EML4: variants seen among roughly 807,000 people sequenced by gnomAD.
The protein encoded by EML4 is echinoderm microtubule-associated protein-like 4.
Under a neutral mutation model 129.0 loss-of-function variants are expected in EML4, and 72 were observed. That is an observed-to-expected ratio of 0.56 (90% confidence interval 0.46 to 0.68). The LOEUF is 0.68. Ranked by LOEUF, EML4 falls within the 30% of genes least tolerant of loss-of-function variation. The pLI is 0.00. For synonymous variants in EML4, 532 were observed against 405.0 expected, an observed-to-expected ratio of 1.31 and a Z score of -3.77; for missense variants, 1,363 against 1,190.6, an observed-to-expected ratio of 1.14 and a Z score of -2.13.
At chr2:42,302,780 C>A (rs563087957) in intron 14 of EML4, among the ~76,000 whole-genome samples, 1 of 152,118 alleles carries the variant, frequency 6.6e-6, no homozygotes, top group African/African-American at 2.4e-5. Context: ...GTGATCCACC[C>A]GCATTGGCCT....
intron 14 of EML4, among the ~76,000 whole-genome samples, chr2:42,302,078 G>A (rs1668315355): frequency 6.6e-6 from 1 of 152,006 alleles, no homozygotes; most frequent in Admixed American, 6.6e-5. Context: ...ATTATTAAAT[G>A]TATTAACACA....
intron 1 of EML4, among the ~76,000 whole-genome samples, chr2:42,233,741 CTTAATATT>C (rs1674494364): frequency 6.6e-6 from 1 of 152,050 alleles, no homozygotes; most frequent in African/African-American, 2.4e-5. Flanking sequence ...ATCTTAATAT[CTTAATATT>C]TTGGTTTTAA....
At chr2:42,180,296 A>T (rs887653241) in intron 1 of EML4, among the ~76,000 whole-genome samples, 2 of 152,124 alleles carry the variant, frequency 1.3e-5, no homozygotes, top group Non-Finnish European at 2.9e-5. Flanking sequence ...ATGTCTCTGG[A>T]CCAGAGGTAG....
chr2:42,207,799 T>G (rs903134697), intron 1 of EML4: 1 of 152,236 alleles, frequency 6.6e-6, no homozygotes, highest in African/African-American at 2.4e-5. Context: ...ATTTATAATA[T>G]TAAATGCGAA....
At chr2:42,229,646 G>T (rs1325550451) in intron 1 of EML4, among the ~76,000 whole-genome samples, 1 of 152,082 alleles carries the variant, frequency 6.6e-6, no homozygotes, top group Non-Finnish European at 1.5e-5. Flanking sequence ...ATCAGGGAGG[G>T]AAGTAAAGTA....
chr2:42,193,750 A>G (rs2719137), intron 1 of EML4, among the ~76,000 whole-genome samples: 47,299 of 151,702 alleles, frequency 0.31, 7,652 homozygotes, highest in East Asian at 0.56. Flanking sequence ...CAGCAGCACA[A>G]TCATGGCTCA....
intron 1 of EML4, among the ~76,000 whole-genome samples, chr2:42,175,921 A>G (rs781074833): frequency 6.6e-6 from 1 of 152,016 alleles, no homozygotes; most frequent in Non-Finnish European, 1.5e-5. Context: ...GTCTTTTCCT[A>G]TGCTTAGTTT....
At chr2:42,187,064 G>A (rs1348953808) in intron 1 of EML4, among the ~76,000 whole-genome samples, 3 of 80,736 alleles carry the variant, frequency 3.7e-5, no homozygotes, top group Middle Eastern at 7.0e-3. Context: ...GGGTGGGGGG[G>A]ACAGGGTCTT....
intron 10 of EML4, among the ~76,000 whole-genome samples, chr2:42,287,284 G>A (rs1429320789): frequency 1.3e-5 from 2 of 152,142 alleles, no homozygotes; most frequent in African/African-American, 4.8e-5. Context: ...GGAATTGGGA[G>A]AAGGACATTT....
At chr2:42,197,046 A>G (rs549821076) in intron 1 of EML4, among the ~76,000 whole-genome samples, 60 of 152,232 alleles carry the variant, frequency 3.9e-4, no homozygotes, top group African/African-American at 1.4e-3. Context: ...ATCAAAGTAA[A>G]TGTTGGTTTA....
rs563457625 is a variant in EML4, at chr2:42,261,367, G to C, written c.512+73G>C. The C allele has an allele frequency of 1.0e-5, 14 of 1,340,798 alleles. No individual in the cohort carries two copies. The South Asian group carries it at 2.5e-4, about 24-fold the overall frequency. The allele number at this position is 1,340,798 out of a possible 1,614,324, so 83.1% of individuals were successfully genotyped here. A position where few individuals can be genotyped will look rare whatever the true frequency, so the allele number is the denominator to read the frequency against. On this transcript the variant is annotated intron_variant, in intron 4 of 22. Transcript: ENST00000318522. The stretch of plus-strand genomic sequence containing the variant: ...CCTAAATTCTGTGACTTGGGAAAAA[G>C]TTAGCTATCCAAGGATTCTGAGAGA...
chr2:42,193,641 C>G (rs1276065266), intron 1 of EML4, among the ~76,000 whole-genome samples: 1 of 151,478 alleles, frequency 6.6e-6, no homozygotes, highest in Non-Finnish European at 1.5e-5. Flanking sequence ...TTTAAGTTTT[C>G]ACTTTTGTCA....
At chr2:42,220,829 A>G (rs1461296815) in intron 1 of EML4, among the ~76,000 whole-genome samples, 2 of 152,186 alleles carry the variant, frequency 1.3e-5, no homozygotes, top group African/African-American at 4.8e-5. Flanking sequence ...AAACAGCCTT[A>G]TTGCAGATAC....
chr2:42,330,893 A>G lies in EML4; in HGVS notation c.*686A>G, dbSNP rs1470607408. 1 of 204,336 alleles carries G rather than the reference A, an allele frequency of 4.9e-6. No homozygotes were observed. The highest frequency in any genetic ancestry group is 2.3e-5 in the African/African-American group (1 of 43,626). 12.7% of individuals were successfully genotyped at this position (204,336 alleles called of 1,614,324 possible). ...CTTGTGTGCAACTCTGTTTTATCCT[A>G]GAACTAAGAGAGCATTGGTTTGTTA... is the stretch of plus-strand genomic sequence containing the variant. On this transcript the variant is annotated 3_prime_UTR_variant, in exon 23 of 23. Coordinates refer to ENST00000318522, the MANE Select transcript of EML4 (RefSeq NM_019063.5).
At chr2:42,327,467 G>A (rs79951727) in intron 21 of EML4, among the ~76,000 whole-genome samples, 3 of 152,210 alleles carry the variant, frequency 2.0e-5, no homozygotes, top group Non-Finnish European at 1.5e-5. Context: ...AGCAGTGTAC[G>A]AGGGTTCTGG....
chr2:42,289,543 AT>A (rs1227508152), intron 11 of EML4: 3 of 152,252 alleles, frequency 2.0e-5, no homozygotes, highest in East Asian at 1.9e-4. Flanking sequence ...GAAAATCACC[AT>A]GTTCAAATCT....
At chr2:42,237,024 A>G (rs1410481688) in intron 1 of EML4, among the ~76,000 whole-genome samples, 1 of 151,940 alleles carries the variant, frequency 6.6e-6, no homozygotes, top group Non-Finnish European at 1.5e-5. Flanking sequence ...TGTAGTCTCA[A>G]CCTCCCTGGT....
At position 42,330,377 on chromosome 2, in the gene EML4, T is replaced by TA; in HGVS notation, c.*173dup. 1.4e-6 allele frequency: 1 copy of TA among 708,570 alleles called. No homozygotes were observed. The highest frequency in any genetic ancestry group is 1.5e-5 in the South Asian group (1 of 65,394). The allele number at this position is 708,570 out of a possible 1,614,324, so 43.9% of individuals were successfully genotyped here. ...TTCAGTCTCTCAAATACAGCCAACTTAAAGTTTTAGTTTGGTGTTTATTGA... is the reference window on the plus strand; with the variant it reads ...TTCAGTCTCTCAAATACAGCCAACTTAAAAGTTTTAGTTTGGTGTTTATTGA... On this transcript the variant is annotated 3_prime_UTR_variant, in exon 23 of 23. Coordinates refer to ENST00000318522, the MANE Select transcript of EML4 (RefSeq NM_019063.5).
chr2:42,169,441 G>T lies in EML4; in HGVS notation c.-171G>T. ...ACGTGACGGGGAAGTGGTTCGGGCG[G>T]CCGCGGCTTACTACCCCAGGGCGAA... On this transcript the variant is annotated 5_prime_UTR_variant, in exon 1 of 23. Transcript: ENST00000318522. 1.6e-6 allele frequency: 1 copy of T among 614,488 alleles called. No homozygotes were observed. Among genetic ancestry groups the T allele is most frequent in the Non-Finnish European group, 2.6e-6 (1 of 382,030 alleles). The allele number at this position is 614,488 out of a possible 1,614,324, so 38.1% of individuals were successfully genotyped here.
Sources: gnomAD v4.1 joint callset for allele counts (sites outside exome capture counted in the v4.1 genomes callset) on GRCh38, gnomAD v4.1.1 for gene constraint, MANE v1.5 for transcripts, NCBI Gene and HGNC (gene_info 2026-07-23, HGNC 2026-07-21) for gene names.